Variants in USP10 observed in about 807,000 individuals in gnomAD.
USP10 encodes ubiquitin carboxyl-terminal hydrolase 10.
In USP10, 22 loss-of-function variants were observed where a neutral mutation model predicts 84.5. The ratio of observed to expected loss-of-function variants is 0.26; its 90% CI spans 0.19 to 0.37. The LOEUF (loss-of-function observed/expected upper bound fraction) is 0.37, where lower values mean the gene tolerates loss of function less well. Ranked by LOEUF, USP10 falls within the 10% of genes least tolerant of loss-of-function variation. USP10 has a pLI of 1.00. For missense variants in USP10, 1,019 were observed against 998.9 expected, an observed-to-expected ratio of 1.02 and a Z score of -0.27; for synonymous variants, 454 against 387.6, an observed-to-expected ratio of 1.17 and a Z score of -2.01.
chr16:84,734,765 G>C (rs887877525), intron 2 of USP10, among the ~76,000 whole-genome samples: 55 of 152,240 alleles, frequency 3.6e-4, no homozygotes, highest in African/African-American at 1.3e-3. Context: ...AAAGTTTTCA[G>C]ATTTTGTTTT....
At chr16:84,714,259 A>G (rs1011080057) in intron 1 of USP10, among the ~76,000 whole-genome samples, 3 of 152,188 alleles carry the variant, frequency 2.0e-5, no homozygotes, top group Non-Finnish European at 2.9e-5. Flanking sequence ...TGTTCATGGT[A>G]TAGTAGTTTC....
At chr16:84,704,628 G>A (rs1251056521) in intron 1 of USP10, 36 of 1,337,002 alleles carry the variant, frequency 2.7e-5, no homozygotes, top group South Asian at 3.1e-5. Flanking sequence ...TGGGGTATGT[G>A]TATAGTATTT....
At chr16:84,765,099 C>T (rs1018464220) in intron 10 of USP10, among the ~76,000 whole-genome samples, 5 of 150,998 alleles carry the variant, frequency 3.3e-5, no homozygotes, top group African/African-American at 1.2e-4. Context: ...CTAACCAAAC[C>T]ATGTGTTTTG....
intron 1 of USP10, among the ~76,000 whole-genome samples, chr16:84,700,451 G>C (rs551665372): frequency 6.6e-6 from 1 of 152,110 alleles, no homozygotes; most frequent in South Asian, 2.1e-4. Context: ...TCCCCGCCGC[G>C]CCGGCCGGGG....
At chr16:84,764,955 T>TATATATA (rs59894880) in intron 10 of USP10, among the ~76,000 whole-genome samples, 2 of 144,198 alleles carry the variant, frequency 1.4e-5, no homozygotes, top group South Asian at 2.2e-4. Context: ...TATATATATA[T>TATATATA]TAGACTTCAT....
chr16:84,758,948 A>G (rs963377571), intron 5 of USP10, 141 bp downstream of exon 5: 4 of 668,696 alleles, frequency 6.0e-6, no homozygotes, highest in Non-Finnish European at 5.3e-6. Flanking sequence ...TGGTCTGCCT[A>G]CCTTGCTTAT....
intron 12 of USP10, among the ~76,000 whole-genome samples, chr16:84,773,655 C>G (rs244562): frequency 6.6e-6 from 1 of 152,072 alleles, no homozygotes; most frequent in Non-Finnish European, 1.5e-5. Flanking sequence ...TTCTAGCTGC[C>G]TTATCACTCA....
intron 9 of USP10, 102 bp from the exon 10 acceptor site, chr16:84,763,984 C>A: frequency 7.1e-7 from 1 of 1,409,712 alleles, no homozygotes; most frequent in Non-Finnish European, 9.4e-7. Context: ...GTAGACCACA[C>A]CCTGATTTCA....
intron 2 of USP10, 146 bp downstream of exon 2, chr16:84,733,649 A>G (rs990623645): frequency 5.6e-6 from 3 of 535,822 alleles, no homozygotes; most frequent in African/African-American, 4.0e-5. Flanking sequence ...CCCACCAACT[A>G]GATTTGACTG....
chr16:84,710,302 G>T (rs932452338), intron 1 of USP10, among the ~76,000 whole-genome samples: 1 of 151,772 alleles, frequency 6.6e-6, no homozygotes, highest in South Asian at 2.1e-4. Context: ...GCTGGGTTGA[G>T]TTGATTGTGC....
At position 84,758,726 on chromosome 16, in the gene USP10, G is replaced by A. The variant is rs1323329838; in HGVS notation, c.1203G>A (p.Glu401=). 6.2e-7 allele frequency: 1 copy of A among 1,612,524 alleles called. No individual in the cohort carries two copies. Among genetic ancestry groups the A allele is most frequent in the Non-Finnish European group, 8.5e-7 (1 of 1,178,514 alleles). ...TCTTCACTCTTTCAGAGTTGCTGGA[G>A]AATGTAACCCTAATCCATAAACCAG... is the stretch of plus-strand genomic sequence containing the variant. The part of the protein sequence containing the change: ...PVAIKIAELL[E]NVTLIHKPVS... The change falls in exon 5 of 14, where the codon GAG becomes GAA. Residue 401 remains glutamate, a synonymous_variant. Coordinates refer to ENST00000219473, the MANE Select transcript of USP10 (RefSeq NM_005153.3).
chr16:84,762,102 CGTGAT>C (rs1378161933), intron 8 of USP10, among the ~76,000 whole-genome samples: 1 of 152,246 alleles, frequency 6.6e-6, no homozygotes, highest in Non-Finnish European at 1.5e-5. Context: ...ATCAAACACT[CGTGAT>C]GTGGGATTAT....
intron 1 of USP10, among the ~76,000 whole-genome samples, chr16:84,717,112 G>C (rs995966303): frequency 2.0e-5 from 3 of 152,152 alleles, no homozygotes; most frequent in South Asian, 2.1e-4. Context: ...CCTGTGCGCT[G>C]TCTGAGCTCC....
chr16:84,771,983 C>A (rs994904417), intron 11 of USP10, among the ~76,000 whole-genome samples: 1 of 152,268 alleles, frequency 6.6e-6, no homozygotes, highest in East Asian at 1.9e-4. Context: ...TTTGAGTTTA[C>A]GACTGGACTT....
intron 2 of USP10, among the ~76,000 whole-genome samples, chr16:84,737,365 A>C (rs1267441124): frequency 6.6e-6 from 1 of 152,152 alleles, no homozygotes; most frequent in Non-Finnish European, 1.5e-5. Context: ...TTGTATTCTT[A>C]CAAATAGTTA....
intron 1 of USP10, among the ~76,000 whole-genome samples, chr16:84,717,625 G>A (rs373355410): frequency 2.6e-5 from 4 of 152,170 alleles, no homozygotes; most frequent in Admixed American, 1.3e-4. Context: ...TAGGTAGGAG[G>A]AGGCCACTAC....
At chr16:84,730,258 T>C (rs1322953578) in intron 1 of USP10, among the ~76,000 whole-genome samples, 6 of 152,206 alleles carry the variant, frequency 3.9e-5, no homozygotes, top group East Asian at 1.9e-4. Flanking sequence ...TGTTATTATA[T>C]AGCAACACAG....
At chr16:84,775,359 G>C in intron 13 of USP10, 134 bp downstream of exon 13, 1 of 817,624 alleles carries the variant, frequency 1.2e-6, no homozygotes, top group Non-Finnish European at 2.0e-6. Flanking sequence ...TTGTGAGTCG[G>C]GGAGTCACGT....
chr16:84,752,728 T>C (rs1402963195), intron 4 of USP10, among the ~76,000 whole-genome samples: 2 of 152,188 alleles, frequency 1.3e-5, no homozygotes, highest in Non-Finnish European at 2.9e-5. Flanking sequence ...CCCCTGTTTT[T>C]TTCACTGCGA....
Sources: gnomAD v4.1 joint callset for allele counts (sites outside exome capture counted in the v4.1 genomes callset) on GRCh38, gnomAD v4.1.1 for gene constraint, MANE v1.5 for transcripts, NCBI Gene and HGNC (gene_info 2026-07-23, HGNC 2026-07-21) for gene names.